The following STX8 variants were observed in gnomAD, a reference collection of about 807,000 sequenced individuals.
STX8 encodes syntaxin-8.
In STX8, 23 loss-of-function variants were observed where a neutral mutation model predicts 37.5. That is an observed-to-expected ratio of 0.61 (90% CI 0.44 to 0.87). STX8 has a LOEUF of 0.87. Ranked by LOEUF, STX8 falls within the 40% of genes least tolerant of loss-of-function variation. STX8 has a pLI of 0.00. For missense variants in STX8, 313 were observed against 284.7 expected, an observed-to-expected ratio of 1.10 and a Z score of -0.71; for synonymous variants, 115 against 99.1, an observed-to-expected ratio of 1.16 and a Z score of -0.95.
In STX8 at chr17:9,297,241, CAA is replaced by C. The variant is rs112089232; in HGVS notation, c.644-46598_644-46597del. On this transcript the variant is annotated intron_variant, in intron 7 of 7. Coordinates refer to ENST00000306357, the MANE Select transcript of STX8 (RefSeq NM_004853.3). ...TCTGATAGCATATGCCCAGAGTTTG[CAA>C]AAAAAAAAAAAAAAGAAAAAAAAAG... is the stretch of plus-strand genomic sequence containing the variant. Among the ~76,000 whole-genome samples the C allele has an allele frequency of 7.0e-3, 637 of 90,816 alleles. 4 individuals are homozygous for C. The highest frequency in any genetic ancestry group is 6.2e-3 in the Middle Eastern group (1 of 162). The allele number at this position is 90,816 out of a possible 152,430, so 59.6% of individuals were successfully genotyped here.
intron 6 of STX8, among the ~76,000 whole-genome samples, chr17:9,416,265 T>C (rs1913188618): frequency 2.0e-5 from 3 of 152,246 alleles, no homozygotes; most frequent in Non-Finnish European, 4.4e-5. Context: ...TCGAGAGAAA[T>C]GTAGCATGGC....
chr17:9,348,436 AAG>A (rs1555599376), intron 7 of STX8, among the ~76,000 whole-genome samples: 19 of 127,078 alleles, frequency 1.5e-4, no homozygotes, highest in Non-Finnish European at 2.8e-4. Flanking sequence ...AAAAAAAAAA[AAG>A]AATATGGGAA....
intron 7 of STX8, among the ~76,000 whole-genome samples, chr17:9,320,067 G>T (rs961213757): frequency 5.3e-5 from 8 of 151,664 alleles, no homozygotes; most frequent in African/African-American, 1.7e-4. Flanking sequence ...GTGCTGTGTG[G>T]CTCACACCTG....
At position 9,335,172 on chromosome 17, in the gene STX8, C is replaced by T. The variant is rs541657296; in HGVS notation, c.643+43380G>A. ...AATTAGCTTAGACTGTGTGATCCAA[C>T]CCTAGCCAATAGGGGAACAACACAG... On this transcript the variant is annotated intron_variant, in intron 7 of 7. Coordinates refer to ENST00000306357, the MANE Select transcript of STX8 (RefSeq NM_004853.3). Among the ~76,000 whole-genome samples, 22 of 152,304 alleles carry T rather than the reference C, an allele frequency of 1.4e-4. No homozygotes were observed. The South Asian group carries it at 1.9e-3, about 13-fold the overall frequency.
chr17:9,388,310 G>A (rs749697675), intron 6 of STX8, among the ~76,000 whole-genome samples: 5 of 151,350 alleles, frequency 3.3e-5, no homozygotes, highest in Non-Finnish European at 7.4e-5. Flanking sequence ...GACCTCAGGT[G>A]ATCCACTCAC....
At chr17:9,372,325 T>G (rs1285993177) in intron 7 of STX8, among the ~76,000 whole-genome samples, 2 of 151,860 alleles carry the variant, frequency 1.3e-5, no homozygotes, top group Non-Finnish European at 2.9e-5. Flanking sequence ...GTGTAGCTCT[T>G]TGGGGTCCCA....
chr17:9,307,728 G>A (rs374207609), intron 7 of STX8, among the ~76,000 whole-genome samples: 4 of 152,198 alleles, frequency 2.6e-5, no homozygotes, highest in African/African-American at 9.6e-5. Flanking sequence ...ACTTTGAACT[G>A]AGGGAGACTG....
chr17:9,288,179 C>T (rs1277054213), intron 7 of STX8, among the ~76,000 whole-genome samples: 2 of 133,978 alleles, frequency 1.5e-5, no homozygotes, highest in East Asian at 2.0e-4. Context: ...CCAACCTTCC[C>T]CCTGAAAAAA....
intron 4 of STX8, among the ~76,000 whole-genome samples, chr17:9,541,963 C>T (rs1434029792): frequency 2.0e-5 from 3 of 152,010 alleles, no homozygotes; most frequent in Non-Finnish European, 4.4e-5. Context: ...TCACCCAAGA[C>T]TATGAATCAG....
At chr17:9,308,616 C>T (rs547492050) in intron 7 of STX8, among the ~76,000 whole-genome samples, 28 of 148,210 alleles carry the variant, frequency 1.9e-4, no homozygotes, top group South Asian at 1.1e-3. Context: ...CCAGCTACTT[C>T]GGAGGCTGAG....
At chr17:9,314,575 ATT>A (rs75864623) in intron 7 of STX8, among the ~76,000 whole-genome samples, 5 of 128,838 alleles carry the variant, frequency 3.9e-5, no homozygotes, top group Non-Finnish European at 3.4e-5. Flanking sequence ...AATTTTTTGT[ATT>A]TTTTTTTTTT....
chr17:9,495,348 T>C (rs1904344780), intron 5 of STX8, among the ~76,000 whole-genome samples: 2 of 152,216 alleles, frequency 1.3e-5, no homozygotes, highest in Non-Finnish European at 2.9e-5. Context: ...ATAGGATGAC[T>C]GATGTTATAG....
chr17:9,561,592 C>T (rs1338205467), intron 2 of STX8, among the ~76,000 whole-genome samples: 3 of 134,106 alleles, frequency 2.2e-5, no homozygotes, highest in Admixed American at 8.8e-5. Flanking sequence ...CTGGGAGGCT[C>T]GGAGGTTGCA....
chr17:9,386,833 C>T lies in STX8; in HGVS notation c.542-8180G>A, dbSNP rs1912030504. ...ATTCTGAGCTAAAATTCTGCCTGCT[C>T]TCAACTTCTACCTTAGGTATTTCTT... On this transcript the variant is annotated intron_variant, in intron 6 of 7. Transcript: ENST00000306357. 2.0e-5 allele frequency among the ~76,000 whole-genome samples: 3 copies of T among 152,224 alleles called. No homozygotes were observed. In the South Asian group the frequency reaches 6.2e-4, roughly 32 times the overall value.
At chr17:9,354,346 G>C (rs1656928608) in intron 7 of STX8, among the ~76,000 whole-genome samples, 1 of 132,004 alleles carries the variant, frequency 7.6e-6, no homozygotes, top group South Asian at 2.4e-4. Flanking sequence ...TTTTGAGATG[G>C]AGTCTCACTC....
chr17:9,355,313 T>C (rs1910838938), intron 7 of STX8, among the ~76,000 whole-genome samples: 1 of 151,630 alleles, frequency 6.6e-6, no homozygotes, highest in Admixed American at 6.6e-5. Context: ...CCTGTGTCTT[T>C]TGGTTCTACT....
chr17:9,256,650 A>C (rs1421149322), intron 7 of STX8, among the ~76,000 whole-genome samples: 1 of 152,126 alleles, frequency 6.6e-6, no homozygotes, highest in East Asian at 1.9e-4. Context: ...AAAGACACAC[A>C]CACTCCCCCA....
intron 7 of STX8, among the ~76,000 whole-genome samples, chr17:9,356,007 CT>C (rs1055745619): frequency 6.6e-6 from 1 of 152,108 alleles, no homozygotes; most frequent in Non-Finnish European, 1.5e-5. Context: ...CCATTCATTG[CT>C]TTTTTTCACA....
At chr17:9,506,561 C>T (rs1034454712) in intron 4 of STX8, among the ~76,000 whole-genome samples, 1 of 152,090 alleles carries the variant, frequency 6.6e-6, no homozygotes, top group Non-Finnish European at 1.5e-5. Context: ...CATGAAGGCC[C>T]CCAGCCTCTG....
Sources: allele counts gnomAD v4.1 joint callset (sites outside exome capture counted in the v4.1 genomes callset), GRCh38; gene constraint gnomAD v4.1.1; transcripts MANE v1.5; gene names NCBI Gene and HGNC (gene_info 2026-07-23, HGNC 2026-07-21).